Variants in LINC00305 observed in about 807,000 individuals in gnomAD.
LINC00305 encodes the protein long independently transcribed non-coding RNA 305.
At chr18:64,117,210 T>C (rs564531431) in intron 1 of LINC00305, among the ~76,000 whole-genome samples, 22 of 152,314 alleles carry the variant, frequency 1.4e-4, no homozygotes, top group African/African-American at 5.3e-4. Flanking sequence ...AACACTTTCC[T>C]TATGGAACTT....
chr18:64,087,241 C>T (rs1034155891), intron 3 of LINC00305, among the ~76,000 whole-genome samples: 1 of 152,122 alleles, frequency 6.6e-6, no homozygotes, highest in South Asian at 2.1e-4. Flanking sequence ...TGCAGTTAGC[C>T]CTCCATTAAA....
intron 1 of LINC00305, among the ~76,000 whole-genome samples, chr18:64,109,445 A>C (rs980704202): frequency 6.6e-6 from 1 of 152,226 alleles, no homozygotes; most frequent in African/African-American, 2.4e-5. Flanking sequence ...TGGAACTAAC[A>C]ACAAATTTGT....
chr18:64,108,290 T>C lies in LINC00305; in HGVS notation n.315-9650A>G, dbSNP rs114639926. Reference sequence around the variant, plus strand: ...TTAAATCTATAAAGGAAGCTAAGGATGGCTTGGGGTGCTTGGAAAATGAGA... The same window carrying C: ...TTAAATCTATAAAGGAAGCTAAGGACGGCTTGGGGTGCTTGGAAAATGAGA... On this transcript the variant is annotated intron_variant and non_coding_transcript_variant, in intron 1 of 3. Coordinates refer to ENST00000666468, the Ensembl canonical transcript of LINC00305. Among the ~76,000 whole-genome samples, 335 of 152,282 alleles carry C rather than the reference T, an allele frequency of 2.2e-3. 2 individuals are homozygous for C. The highest frequency in any genetic ancestry group is 7.8e-3 in the African/African-American group (325 of 41,560).
chr18:64,130,546 A>G (rs1299625010), intron 1 of LINC00305, among the ~76,000 whole-genome samples: 1 of 152,176 alleles, frequency 6.6e-6, no homozygotes, highest in African/African-American at 2.4e-5. Context: ...TTTCCCAATA[A>G]ATTTTACTTA....
chr18:64,128,207 G>A (rs748286742), intron 1 of LINC00305, among the ~76,000 whole-genome samples: 2 of 152,106 alleles, frequency 1.3e-5, no homozygotes, highest in Non-Finnish European at 2.9e-5. Context: ...TAGAAAAGGT[G>A]ATTCTCTGGA....
At chr18:64,121,295 C>A (rs1284878557) in intron 1 of LINC00305, among the ~76,000 whole-genome samples, 2 of 151,880 alleles carry the variant, frequency 1.3e-5, no homozygotes, top group Non-Finnish European at 2.9e-5. Context: ...GTATCCATCA[C>A]CCAAATAACG....
intron 1 of LINC00305, among the ~76,000 whole-genome samples, chr18:64,121,463 A>T (rs2051361752): frequency 1.3e-5 from 2 of 151,992 alleles, no homozygotes; most frequent in Admixed American, 6.6e-5. Flanking sequence ...TCTGTGTCTG[A>T]CTTGCTTCAC....
At chr18:64,083,830 G>A (rs540063152) in intron 3 of LINC00305, among the ~76,000 whole-genome samples, 4 of 152,166 alleles carry the variant, frequency 2.6e-5, no homozygotes, top group African/African-American at 9.7e-5. Flanking sequence ...CTGCTTGATG[G>A]TAACCTTGAT....
Position 64,113,557 on chromosome 18 carries a change from C to T in LINC00305, n.315-14917G>A, listed in dbSNP as rs531295708. ...GACTTACAAGACCCACAGGCTTAGA[C>T]CTCTAAGTTAGTTACACTGCCCATG... On this transcript the variant is annotated intron_variant and non_coding_transcript_variant, in intron 1 of 3. Coordinates refer to ENST00000666468, the Ensembl canonical transcript of LINC00305. 9.8e-5 allele frequency among the ~76,000 whole-genome samples: 15 copies of T among 152,322 alleles called. No individual in the cohort carries two copies. The South Asian group carries it at 2.7e-3, about 27-fold the overall frequency.
At chr18:64,081,665 T>G (rs1191310686) in intron 3 of LINC00305, among the ~76,000 whole-genome samples, 1 of 152,184 alleles carries the variant, frequency 6.6e-6, no homozygotes, top group African/African-American at 2.4e-5. Flanking sequence ...TAAAAGAATT[T>G]GAGTAGTTAA....
At position 64,125,893 on chromosome 18, in the gene LINC00305, G is replaced by T. The variant is rs144490445; in HGVS notation, n.314+22882C>A. Among the ~76,000 whole-genome samples, 41 of 152,180 alleles carry T rather than the reference G, an allele frequency of 2.7e-4. No individual in the cohort carries two copies. The East Asian group carries it at 6.4e-3, about 24-fold the overall frequency. On this transcript the variant is annotated intron_variant and non_coding_transcript_variant, in intron 1 of 3. Coordinates refer to ENST00000666468, the Ensembl canonical transcript of LINC00305. ...AAGGGAGAGTTTGGTTCTTTTCTCT[G>T]TCTCACTCTCTTTTGTCCCTCTACT...
intron 3 of LINC00305, among the ~76,000 whole-genome samples, chr18:64,093,264 C>A (rs868587517): frequency 6.6e-6 from 1 of 152,212 alleles, no homozygotes; most frequent in Non-Finnish European, 1.5e-5. Flanking sequence ...CATGAATATA[C>A]CTGACAGCCA....
chr18:64,125,890 T>G (rs1372763438), intron 1 of LINC00305, among the ~76,000 whole-genome samples: 1 of 152,144 alleles, frequency 6.6e-6, no homozygotes, highest in East Asian at 1.9e-4. Flanking sequence ...GGTTCTTTTC[T>G]CTGTCTCACT....
In LINC00305 at chr18:64,129,084, T is replaced by A. The variant is rs561563295; in HGVS notation, n.314+19691A>T. ...TTACAGAATTCATGCGATACATTTT[T>A]AAATTTCTTCAAGAGTGCCTTATTC... On this transcript the variant is annotated intron_variant and non_coding_transcript_variant, in intron 1 of 3. Coordinates refer to ENST00000666468, the Ensembl canonical transcript of LINC00305. Among the ~76,000 whole-genome samples, 54 of 152,288 alleles carry A rather than the reference T, an allele frequency of 3.5e-4. 1 individual carries two copies. The highest frequency in any genetic ancestry group is 2.6e-4 in the Non-Finnish European group (18 of 68,006).
intron 1 of LINC00305, among the ~76,000 whole-genome samples, chr18:64,103,122 T>C (rs1365563578): frequency 6.6e-6 from 1 of 152,230 alleles, no homozygotes; most frequent in Admixed American, 6.5e-5. Flanking sequence ...CACATTCTAT[T>C]TCTAGCTTCC....
chr18:64,092,033 G>A (rs566719838), intron 3 of LINC00305, among the ~76,000 whole-genome samples: 61 of 152,278 alleles, frequency 4.0e-4, no homozygotes, highest in South Asian at 1.7e-3. Context: ...AAATGGATTA[G>A]TTCATAAGGC....
chr18:64,113,660 C>T (rs929241576), intron 1 of LINC00305, among the ~76,000 whole-genome samples: 3 of 152,162 alleles, frequency 2.0e-5, no homozygotes, highest in Admixed American at 6.5e-5. Flanking sequence ...CTATATTACC[C>T]GAAAGACCTT....
At chr18:64,112,732 T>C (rs774596906) in intron 1 of LINC00305, among the ~76,000 whole-genome samples, 2 of 152,220 alleles carry the variant, frequency 1.3e-5, no homozygotes, top group East Asian at 1.9e-4. Context: ...TGTCTTTCTC[T>C]AATCATTGAT....
At chr18:64,089,741 G>A (rs1025773300) in intron 3 of LINC00305, among the ~76,000 whole-genome samples, 20 of 152,178 alleles carry the variant, frequency 1.3e-4, no homozygotes, top group Non-Finnish European at 5.9e-5. Flanking sequence ...TCACAATTAC[G>A]GTGGAAGGCA....
Sources: allele counts gnomAD v4.1 joint callset (sites outside exome capture counted in the v4.1 genomes callset), GRCh38; gene constraint gnomAD v4.1.1; transcripts MANE v1.5; gene names NCBI Gene and HGNC (gene_info 2026-07-23, HGNC 2026-07-21).